Variants in MRPS9 observed in about 807,000 individuals in gnomAD.
MRPS9 encodes mitochondrial ribosomal protein S9, also known as small ribosomal subunit protein uS9m.
A neutral mutation model predicts 59.9 loss-of-function variants in MRPS9; 45 were observed. The observed-to-expected ratio is 0.75, with a 90% CI of 0.59 to 0.96. The LOEUF (loss-of-function observed/expected upper bound fraction) is 0.96. Ranked by LOEUF, MRPS9 falls within the 40% of genes least tolerant of loss-of-function variation. The probability of loss-of-function intolerance (pLI) is 0.00; values close to 1 mark genes in which losing one functional copy is unlikely to be tolerated. For missense variants in MRPS9, 473 were observed against 481.1 expected, an observed-to-expected ratio of 0.98 and a Z score of 0.16; for synonymous variants, 171 against 166.8, an observed-to-expected ratio of 1.03 and a Z score of -0.19.
intron 2 of MRPS9, among the ~76,000 whole-genome samples, chr2:105,050,503 G>A (rs1169390275): frequency 2.6e-5 from 4 of 152,102 alleles, no homozygotes; most frequent in African/African-American, 9.7e-5. Context: ...TGTAGCTGCT[G>A]TCCTCTTTTT....
intron 1 of MRPS9, among the ~76,000 whole-genome samples, chr2:105,045,916 G>A (rs766966049): frequency 1.3e-5 from 2 of 152,042 alleles, no homozygotes; most frequent in Non-Finnish European, 2.9e-5. Flanking sequence ...CCAGGCTGGA[G>A]TGCAGTGGTG....
chr2:105,063,260 A>T (rs1419423736), intron 2 of MRPS9, among the ~76,000 whole-genome samples: 2 of 152,236 alleles, frequency 1.3e-5, no homozygotes, highest in African/African-American at 4.8e-5. Flanking sequence ...TGGGCAACAT[A>T]GTAAGACCCA....
intron 2 of MRPS9, among the ~76,000 whole-genome samples, chr2:105,067,869 C>T (rs1408101842): frequency 1.3e-5 from 2 of 152,144 alleles, no homozygotes; most frequent in African/African-American, 4.8e-5. Flanking sequence ...GCTCCATCAA[C>T]CAGGCTATAG....
At chr2:105,061,036 G>C (rs996282921) in intron 2 of MRPS9, among the ~76,000 whole-genome samples, 2 of 149,788 alleles carry the variant, frequency 1.3e-5, no homozygotes, top group African/African-American at 4.9e-5. Context: ...CGTGAACCCG[G>C]GAGGTGGAAC....
At chr2:105,086,416 AT>A (rs1321364582) in intron 5 of MRPS9, among the ~76,000 whole-genome samples, 1 of 152,206 alleles carries the variant, frequency 6.6e-6, no homozygotes, top group Admixed American at 6.5e-5. Flanking sequence ...ACAGGAGGAA[AT>A]GGCATCATAG....
intron 1 of MRPS9, among the ~76,000 whole-genome samples, chr2:105,047,265 C>G (rs1360414942): frequency 6.6e-6 from 1 of 151,998 alleles, no homozygotes; most frequent in Non-Finnish European, 1.5e-5. Context: ...AAAATAAACT[C>G]AAGTTTCAGA....
chr2:105,080,195 C>A, intron 5 of MRPS9, 133 bp downstream of exon 5: 2 of 499,024 alleles, frequency 4.0e-6, no homozygotes, highest in South Asian at 3.7e-5. Flanking sequence ...AGAGGTAGGA[C>A]AGTGTGTTGA....
Position 105,093,531 on chromosome 2 carries a change from TAAAA to T in MRPS9, c.823_826del (p.Lys275GlufsTer18), listed in dbSNP as rs779874280. ...AATAGGAATTTTATATTTTTGAAGG[TAAAA>T]GAAAGACTGCAAAAGCAGAAGCAAT... On this transcript the variant is annotated frameshift_variant and splice_region_variant, in exon 9 of 11. Transcript: ENST00000258455. LOFTEE classifies it high-confidence loss of function. The T allele has an allele frequency of 1.3e-6, 2 of 1,565,214 alleles. No individual in the cohort carries two copies. Among genetic ancestry groups the T allele is most frequent in the Non-Finnish European group, 1.7e-6 (2 of 1,147,804 alleles).
chr2:105,049,998 G>T (rs181694944), intron 2 of MRPS9, among the ~76,000 whole-genome samples: 2 of 151,986 alleles, frequency 1.3e-5, no homozygotes, highest in African/African-American at 4.8e-5. Flanking sequence ...ATTCTTATAC[G>T]ATTTTAATAT....
At chr2:105,082,026 G>T (rs367662195) in intron 5 of MRPS9, among the ~76,000 whole-genome samples, 1 of 152,130 alleles carries the variant, frequency 6.6e-6, no homozygotes, top group African/African-American at 2.4e-5. Flanking sequence ...CAGGCACTGC[G>T]TAGAAAGTCC....
At chr2:105,083,950 G>GGCATTAC (rs761614060) in intron 5 of MRPS9, among the ~76,000 whole-genome samples, 94 of 152,152 alleles carry the variant, frequency 6.2e-4, no homozygotes, top group Non-Finnish European at 9.4e-4. Context: ...TGTCATTGTA[G>GGCATTAC]GCATTACTCG....
chr2:105,061,355 C>T (rs1248684511), intron 2 of MRPS9, among the ~76,000 whole-genome samples: 1 of 151,924 alleles, frequency 6.6e-6, no homozygotes, highest in African/African-American at 2.4e-5. Flanking sequence ...GGTGGGAAGG[C>T]AATCTGAGAG....
chr2:105,059,072 G>GTT (rs58396321), intron 2 of MRPS9, among the ~76,000 whole-genome samples: 1,475 of 138,268 alleles, frequency 0.011, 17 homozygotes, highest in African/African-American at 0.02. Context: ...GTTCTGTGGG[G>GTT]TTTTTTTTTT....
chr2:105,050,260 C>T (rs1375662770), intron 2 of MRPS9, among the ~76,000 whole-genome samples: 1 of 152,186 alleles, frequency 6.6e-6, no homozygotes, highest in Non-Finnish European at 1.5e-5. Flanking sequence ...CTGCCTCAGC[C>T]TCCTGAGTAG....
chr2:105,058,770 C>G (rs528722525), intron 2 of MRPS9, among the ~76,000 whole-genome samples: 85 of 151,546 alleles, frequency 5.6e-4, no homozygotes, highest in Admixed American at 2.9e-3. Flanking sequence ...ACCTCCGCCT[C>G]CCAGGTTCAA....
intron 1 of MRPS9, among the ~76,000 whole-genome samples, chr2:105,043,445 A>C (rs910620340): frequency 6.6e-6 from 1 of 152,152 alleles, no homozygotes; most frequent in Admixed American, 6.5e-5. Flanking sequence ...CCTGACTCAA[A>C]GTAATCCTCA....
At chr2:105,060,603 C>T (rs1298484376) in intron 2 of MRPS9, among the ~76,000 whole-genome samples, 3 of 152,030 alleles carry the variant, frequency 2.0e-5, no homozygotes, top group Non-Finnish European at 4.4e-5. Flanking sequence ...TTTGGAAAAC[C>T]CCAAGGACTC....
At chr2:105,089,801 C>T (rs1680521545) in intron 6 of MRPS9, 119 bp from the exon 7 acceptor site, 1 of 599,468 alleles carries the variant, frequency 1.7e-6, no homozygotes, top group East Asian at 3.2e-5. Context: ...AAAATTACTG[C>T]TATATAATAT....
At chr2:105,051,559 G>A (rs151327974) in intron 2 of MRPS9, among the ~76,000 whole-genome samples, 65 of 152,254 alleles carry the variant, frequency 4.3e-4, no homozygotes, top group African/African-American at 1.5e-3. Flanking sequence ...GGATCAGCTT[G>A]TCAGTTCCTG....
Sources: gnomAD v4.1 joint callset for allele counts (sites outside exome capture counted in the v4.1 genomes callset) on GRCh38, gnomAD v4.1.1 for gene constraint, MANE v1.5 for transcripts, NCBI Gene and HGNC (gene_info 2026-07-23, HGNC 2026-07-21) for gene names.